SLC30A9: variants seen among roughly 807,000 people sequenced by gnomAD.
SLC30A9 encodes the protein proton-coupled zinc antiporter SLC30A9, mitochondrial.
Under a neutral mutation model 87.5 loss-of-function variants are expected in SLC30A9, and 58 were observed. The observed-to-expected ratio is 0.66, with a 90% confidence interval of 0.54 to 0.82. The LOEUF is 0.82. Ranked by LOEUF, SLC30A9 falls within the 40% of genes least tolerant of loss-of-function variation. SLC30A9 has a pLI of 0.00. For synonymous variants in SLC30A9, 234 were observed against 233.0 expected (o/e 1.00, Z -0.04); for missense variants, 557 against 679.1 (o/e 0.82, Z 2.00).
In SLC30A9 at chr4:41,997,719, C is replaced by A. The variant is rs1204495894; in HGVS notation, c.110-3897C>A. ...TTGTTTTTTCCTGTGATAAATAATA[C>A]CATGAGGAATCATCTTTGCATTCTA... On this transcript the variant is annotated intron_variant, in intron 1 of 17. Transcript: ENST00000264451. Among the ~76,000 whole-genome samples the A allele has an allele frequency of 3.3e-5, 5 of 152,194 alleles. No individual in the cohort carries two copies. The South Asian group carries it at 1.0e-3, about 32-fold the overall frequency.
chr4:42,071,675 CA>C (rs56891419), intron 15 of SLC30A9, among the ~76,000 whole-genome samples: 2,458 of 125,324 alleles, frequency 0.02, 54 homozygotes, highest in East Asian at 0.11. Context: ...AACCCTGTCT[CA>C]AAAAAAAAAA....
chr4:42,020,570 A>G, intron 4 of SLC30A9, 55 bp downstream of exon 4: 5 of 1,013,356 alleles, frequency 4.9e-6, no homozygotes, highest in Non-Finnish European at 7.5e-6. Context: ...CTAAATAACT[A>G]TTCCTTTCTT....
At chr4:42,029,961 C>T (rs1202407301) in intron 6 of SLC30A9, 28 of 878,608 alleles carry the variant, frequency 3.2e-5, no homozygotes, top group South Asian at 3.1e-4. Context: ...TGGCAAACTC[C>T]TGCAGCCCAA....
chr4:42,047,556 G>A (rs1342876906), intron 8 of SLC30A9, among the ~76,000 whole-genome samples: 2 of 152,134 alleles, frequency 1.3e-5, no homozygotes, highest in South Asian at 2.1e-4. Context: ...TTAGATTGGC[G>A]ATCATTTAAA....
At chr4:42,013,722 TCGC>T (rs1715553093) in intron 2 of SLC30A9, among the ~76,000 whole-genome samples, 1 of 152,132 alleles carries the variant, frequency 6.6e-6, no homozygotes, top group Non-Finnish European at 1.5e-5. Flanking sequence ...ACCCCTTCTC[TCGC>T]CATTTACAAA....
chr4:42,061,460 G>A (rs577485312), intron 10 of SLC30A9, among the ~76,000 whole-genome samples: 6 of 152,146 alleles, frequency 3.9e-5, no homozygotes, highest in Admixed American at 2.0e-4. Flanking sequence ...TTACTTTAAC[G>A]TGAATATATA....
At chr4:42,013,514 C>G (rs1211741125) in intron 2 of SLC30A9, among the ~76,000 whole-genome samples, 1 of 152,054 alleles carries the variant, frequency 6.6e-6, no homozygotes, top group African/African-American at 2.4e-5. Context: ...AACCTAAATC[C>G]TTTATGCTGT....
chr4:41,990,809 GC>G lies in SLC30A9; in HGVS notation c.109+51del, dbSNP rs777539151. On this transcript the variant is annotated intron_variant, in intron 1 of 17. Transcript: ENST00000264451. ...GGCTCCGTAGAAGCCGAACTGGAGG[GC>G]CAGGCTGGGCTCGGCGCCTCGCCTG... The G allele has an allele frequency of 2.2e-6, 3 of 1,378,052 alleles. No homozygotes were observed. The South Asian group carries it at 3.6e-5, about 16-fold the overall frequency. The allele number at this position is 1,378,052 out of a possible 1,614,324, so 85.4% of individuals were successfully genotyped here.
At chr4:42,052,010 AATG>A (rs1201334459) in intron 9 of SLC30A9, among the ~76,000 whole-genome samples, 1 of 150,240 alleles carries the variant, frequency 6.7e-6, no homozygotes, top group East Asian at 1.9e-4. Context: ...TATATATAAA[AATG>A]ATATTATATC....
chr4:42,063,614 C>T (rs779786097), intron 11 of SLC30A9, among the ~76,000 whole-genome samples: 2 of 152,244 alleles, frequency 1.3e-5, no homozygotes, highest in African/African-American at 2.4e-5. Flanking sequence ...ATGATCCCCT[C>T]TGGGGCTTCT....
At chr4:41,993,978 G>A (rs1175712064) in intron 1 of SLC30A9, among the ~76,000 whole-genome samples, 1 of 152,096 alleles carries the variant, frequency 6.6e-6, no homozygotes, top group Non-Finnish European at 1.5e-5. Context: ...CCAACATGGT[G>A]AAACCCCATC....
chr4:42,053,875 G>A (rs1183799665), intron 9 of SLC30A9, among the ~76,000 whole-genome samples: 3 of 152,004 alleles, frequency 2.0e-5, no homozygotes, highest in Non-Finnish European at 4.4e-5. Flanking sequence ...TTTTCTGACT[G>A]GCAACATAGA....
intron 9 of SLC30A9, among the ~76,000 whole-genome samples, chr4:42,051,342 C>T (rs1355885619): frequency 6.6e-6 from 1 of 152,148 alleles, no homozygotes; most frequent in African/African-American, 2.4e-5. Flanking sequence ...AATCCAAACA[C>T]TCAGTATAAC....
chr4:42,039,817 G>A (rs1716846342), intron 8 of SLC30A9, among the ~76,000 whole-genome samples: 1 of 151,732 alleles, frequency 6.6e-6, no homozygotes, highest in Non-Finnish European at 1.5e-5. Context: ...TTCACCTTTT[G>A]TCTGTTTTTC....
Position 42,064,684 on chromosome 4 carries a change from G to A in SLC30A9, c.1033-626G>A, listed in dbSNP as rs931440284. Among the ~76,000 whole-genome samples, 4 of 152,138 alleles carry A rather than the reference G, an allele frequency of 2.6e-5. No homozygotes were observed. The East Asian group carries it at 7.7e-4, about 29-fold the overall frequency. On this transcript the variant is annotated intron_variant, in intron 11 of 17. Transcript: ENST00000264451. ...TAGGTAATTAGTTAAATTTTCAGTT[G>A]TGTATAAGTTTTAAAACTTCTAAAA...
At chr4:42,004,810 C>A (rs1192789976) in intron 2 of SLC30A9, among the ~76,000 whole-genome samples, 9 of 151,728 alleles carry the variant, frequency 5.9e-5, no homozygotes, top group Non-Finnish European at 7.4e-5. Context: ...TGCTGCCACG[C>A]CCAGCTAATT....
chr4:42,081,899 G>T (rs1560563391), intron 17 of SLC30A9, among the ~76,000 whole-genome samples: 1 of 152,104 alleles, frequency 6.6e-6, no homozygotes, highest in East Asian at 1.9e-4. Flanking sequence ...ATACATTCAG[G>T]TGGAAACGTC....
In SLC30A9 at chr4:42,087,686, G is replaced by T. The variant is rs1463359461; in HGVS notation, c.*1560G>T. ...AGTTTTATTTTTAAGATAGAAAATT[G>T]TTATATATATATATAATTTGATACT... On this transcript the variant is annotated 3_prime_UTR_variant, in exon 18 of 18. Coordinates refer to ENST00000264451, the MANE Select transcript of SLC30A9 (RefSeq NM_006345.4). 6.8e-6 allele frequency: 1 copy of T among 147,342 alleles called. No homozygotes were observed. Among genetic ancestry groups the T allele is most frequent in the African/African-American group, 2.5e-5 (1 of 39,558 alleles). 9.1% of individuals were successfully genotyped at this position (147,342 alleles called of 1,614,324 possible).
chr4:42,034,069 A>AT (rs1371690433), intron 6 of SLC30A9, among the ~76,000 whole-genome samples: 1 of 145,876 alleles, frequency 6.9e-6, no homozygotes, highest in Non-Finnish European at 1.5e-5. Flanking sequence ...AGTTAAAAGA[A>AT]TTTTTTGTAA....
Sources: allele counts gnomAD v4.1 joint callset (sites outside exome capture counted in the v4.1 genomes callset), GRCh38; gene constraint gnomAD v4.1.1; transcripts MANE v1.5; gene names NCBI Gene and HGNC (gene_info 2026-07-23, HGNC 2026-07-21).